Variants in TENM1 observed in about 807,000 individuals in gnomAD.
TENM1 encodes teneurin-1.
A neutral mutation model predicts 174.8 loss-of-function variants in TENM1; 35 were observed. The observed-to-expected ratio is 0.20, with a 90% CI of 0.15 to 0.27. The LOEUF is 0.27. TENM1 is among the 10% of genes least tolerant of loss of function. TENM1 has a pLI of 1.00. For synonymous variants in TENM1, 781 were observed against 798.7 expected, an observed-to-expected ratio of 0.98 and a Z score of 0.37; for missense variants, 1,633 against 2,130.1, an observed-to-expected ratio of 0.77 and a Z score of 4.59.
chrX:124,492,391 TTC>T (rs1340636603), intron 20 of TENM1, among the ~76,000 whole-genome samples: 2 of 111,525 alleles, frequency 1.8e-5, no homozygotes, highest in African/African-American at 6.5e-5. Flanking sequence ...ATCAACTTAT[TTC>T]TCTCCAGGAA....
chrX:124,611,542 G>A (rs1321818116), intron 11 of TENM1, among the ~76,000 whole-genome samples: 1 of 111,672 alleles, frequency 9.0e-6, no homozygotes, highest in Non-Finnish European at 1.9e-5. Flanking sequence ...TCAGGATTCA[G>A]TGAACCCAAT....
At chrX:124,565,549 T>C in exon 12 of TENM1, 1 of 1,200,786 alleles carries the variant, frequency 8.3e-7, no homozygotes, top group Non-Finnish European at 1.1e-6. Context: ...CCACACTCCA[T>C]GGTACACAGC....
At chrX:125,154,838 G>C in the TENM1 span, among the ~76,000 whole-genome samples, 1 of 109,172 alleles carries the variant, frequency 9.2e-6, no homozygotes, top group Non-Finnish European at 1.9e-5. Flanking sequence ...GGAGTTGTTC[G>C]TTCCTCCCGG....
At chrX:125,019,763 G>A in the TENM1 span, among the ~76,000 whole-genome samples, 1 of 110,904 alleles carries the variant, frequency 9.0e-6, no homozygotes. Flanking sequence ...TTTCTACAAA[G>A]TAGGGATATT....
At chrX:124,475,777 C>A (rs905527548) in intron 22 of TENM1, among the ~76,000 whole-genome samples, 1 of 111,120 alleles carries the variant, frequency 9.0e-6, no homozygotes, top group Admixed American at 9.6e-5. Context: ...ATTTATTTGC[C>A]CCAGTTTTGC....
At chrX:125,174,932 G>A in the TENM1 span, among the ~76,000 whole-genome samples, 1 of 111,433 alleles carries the variant, frequency 9.0e-6, no homozygotes, top group African/African-American at 3.3e-5. Context: ...GATGATAACT[G>A]TGCAACCTTC....
chrX:124,967,086 G>T (rs114644680), upstream of TENM1, among the ~76,000 whole-genome samples: 186 of 111,922 alleles, frequency 1.7e-3, no homozygotes, highest in African/African-American at 5.9e-3. Context: ...TAATGTTTGA[G>T]CACTAAAGAT....
At chrX:124,839,927 T>C (rs1451292142) in intron 3 of TENM1, among the ~76,000 whole-genome samples, 3 of 111,079 alleles carry the variant, frequency 2.7e-5, no homozygotes, top group Non-Finnish European at 3.8e-5. Flanking sequence ...CACAGCTGAG[T>C]GACAGGAGTG....
the TENM1 span, among the ~76,000 whole-genome samples, chrX:125,170,945 C>T: frequency 9.0e-6 from 1 of 110,874 alleles, no homozygotes; most frequent in Non-Finnish European, 1.9e-5. Flanking sequence ...AAATTGTTAC[C>T]TTTGAGTAGT....
At chrX:124,988,936 A>T in the TENM1 span, among the ~76,000 whole-genome samples, 1 of 111,980 alleles carries the variant, frequency 8.9e-6, no homozygotes, top group Non-Finnish European at 1.9e-5. Flanking sequence ...CTATTTAAAA[A>T]CTTATAGTTA....
At chrX:124,691,394 C>T (rs1330037880) in intron 5 of TENM1, among the ~76,000 whole-genome samples, 1 of 111,847 alleles carries the variant, frequency 8.9e-6, no homozygotes, top group African/African-American at 3.3e-5. Context: ...GATAGTCAAC[C>T]TTACTTTTTC....
chrX:124,493,131 G>A (rs1419084313), intron 20 of TENM1, among the ~76,000 whole-genome samples: 2 of 111,028 alleles, frequency 1.8e-5, no homozygotes, highest in Non-Finnish European at 3.8e-5. Flanking sequence ...ATGAATAGAG[G>A]CATTGGATAG....
At chrX:125,058,986 A>ATC in the TENM1 span, among the ~76,000 whole-genome samples, 1 of 88,655 alleles carries the variant, frequency 1.1e-5, no homozygotes. Flanking sequence ...TTTCATCATC[A>ATC]TCACACACAC....
chrX:124,951,647 T>TAC (rs2058487170), intron 1 of TENM1, among the ~76,000 whole-genome samples: 1 of 33,531 alleles, frequency 3.0e-5, no homozygotes, highest in Non-Finnish European at 6.7e-5. Context: ...AAAATATATA[T>TAC]ATATATATAT....
chrX:124,863,869 G>A (rs2056957867), intron 3 of TENM1, among the ~76,000 whole-genome samples: 1 of 112,616 alleles, frequency 8.9e-6, no homozygotes, highest in African/African-American at 3.2e-5. Context: ...AGGTGCCTGT[G>A]TCACTCCATT....
intron 3 of TENM1, among the ~76,000 whole-genome samples, chrX:124,789,049 T>C (rs187351109): frequency 8.9e-6 from 1 of 112,344 alleles, no homozygotes; most frequent in East Asian, 2.8e-4. Flanking sequence ...TTCTGAAATC[T>C]AGGTGGAGGT....
At chrX:124,401,370 C>A (rs1465762105) in intron 27 of TENM1, among the ~76,000 whole-genome samples, 1 of 111,631 alleles carries the variant, frequency 9.0e-6, no homozygotes, top group Non-Finnish European at 1.9e-5. Context: ...AAAGGGAGCC[C>A]CATTTCCCAC....
At chrX:124,740,002 G>T (rs1484337745) in intron 3 of TENM1, among the ~76,000 whole-genome samples, 1 of 111,650 alleles carries the variant, frequency 9.0e-6, no homozygotes, top group East Asian at 2.8e-4. Flanking sequence ...ATGCCTCCCA[G>T]AGCCATGACA....
chrX:124,819,141 CTA>C (rs1395367190), intron 3 of TENM1, among the ~76,000 whole-genome samples: 1 of 111,669 alleles, frequency 9.0e-6, no homozygotes, highest in Non-Finnish European at 1.9e-5. Context: ...TTTAAATTGA[CTA>C]TGTGTTATTA....
Sources: gnomAD v4.1 joint callset for allele counts (sites outside exome capture counted in the v4.1 genomes callset) on GRCh38, gnomAD v4.1.1 for gene constraint, MANE v1.5 for transcripts, NCBI Gene and HGNC (gene_info 2026-07-23, HGNC 2026-07-21) for gene names.